GBP7: variants seen among roughly 807,000 people sequenced by gnomAD.
GBP7 encodes the protein guanylate-binding protein 7.
Under a neutral mutation model 61.3 loss-of-function variants are expected in GBP7, and 43 were observed. The ratio of observed to expected loss-of-function variants is 0.70; its 90% CI spans 0.55 to 0.91. The LOEUF is 0.91. Ranked by LOEUF, GBP7 falls within the 40% of genes least tolerant of loss-of-function variation. The pLI is 0.00. For synonymous variants in GBP7, 267 were observed against 271.0 expected (o/e 0.99, Z 0.14); for missense variants, 717 against 740.5 (o/e 0.97, Z 0.37).
chr1:89,132,126 A>G lies in GBP7; in HGVS notation c.*23T>C. The G allele has an allele frequency of 6.3e-7, 1 of 1,578,912 alleles. No homozygotes were observed. Among genetic ancestry groups the G allele is most frequent in the Non-Finnish European group, 8.6e-7 (1 of 1,162,346 alleles). ...TACTTTTAAAATGAGCAACAGCGTT[A>G]TACCATTTTAACAAAAGAAACCTCA... On this transcript the variant is annotated 3_prime_UTR_variant, in exon 11 of 11. Coordinates refer to ENST00000294671, the MANE Select transcript of GBP7 (RefSeq NM_207398.3).
intron 3 of GBP7, 90 bp from the exon 4 acceptor site, chr1:89,152,867 A>G: frequency 1.0e-6 from 1 of 965,036 alleles, no homozygotes. Flanking sequence ...ACCAAAACTG[A>G]AGTCATTCCA....
intron 2 of GBP7, among the ~76,000 whole-genome samples, chr1:89,168,921 A>T (rs1486779532): frequency 1.3e-5 from 2 of 151,972 alleles, no homozygotes; most frequent in Non-Finnish European, 2.9e-5. Context: ...GTGAGCTGAG[A>T]TCTCGCCATT....
chr1:89,150,674 T>A, intron 5 of GBP7, 99 bp from the exon 6 acceptor site: 1 of 1,216,938 alleles, frequency 8.2e-7, no homozygotes, highest in Non-Finnish European at 1.2e-6. Flanking sequence ...CTACAGTCTC[T>A]TGTGTCTGTG....
chr1:89,164,018 C>T (rs1032307023), intron 3 of GBP7, among the ~76,000 whole-genome samples: 3 of 151,802 alleles, frequency 2.0e-5, no homozygotes, highest in African/African-American at 4.8e-5. Flanking sequence ...TACAGGTGCC[C>T]GCCTCTGCGC....
rs371646125 is a variant in GBP7 at position 89,136,306 on chromosome 1, G to A, written c.1469-2855C>T. On this transcript the variant is annotated intron_variant, in intron 9 of 10. Coordinates refer to ENST00000294671, the MANE Select transcript of GBP7 (RefSeq NM_207398.3). ...CAGGACCTAACTTGACATTTGACCAGATGGACCTAACAGACATCTACAGAA... is the reference window on the plus strand; with the variant it reads ...CAGGACCTAACTTGACATTTGACCAAATGGACCTAACAGACATCTACAGAA... Among the ~76,000 whole-genome samples the A allele has an allele frequency of 3.7e-4, 56 of 152,056 alleles. 6 individuals carry two copies. The highest frequency in any genetic ancestry group is 9.2e-4 in the Admixed American group (14 of 15,278).
chr1:89,155,994 C>A (rs1682308412), intron 3 of GBP7, among the ~76,000 whole-genome samples: 1 of 152,214 alleles, frequency 6.6e-6, no homozygotes, highest in African/African-American at 2.4e-5. Flanking sequence ...GCCCATCAGA[C>A]TAATAGCAGA....
At chr1:89,156,705 A>G (rs1230606949) in intron 3 of GBP7, among the ~76,000 whole-genome samples, 4 of 152,242 alleles carry the variant, frequency 2.6e-5, no homozygotes, top group Non-Finnish European at 5.9e-5. Flanking sequence ...AGATTCATAA[A>G]GCAAGTCCTT....
chr1:89,141,649 C>G lies in GBP7; in HGVS notation c.1366-1G>C, dbSNP rs374287369. 5 of 1,612,776 alleles carry G rather than the reference C, an allele frequency of 3.1e-6. No individual in the cohort carries two copies. The African/African-American group carries it at 6.7e-5, about 22-fold the overall frequency. ...GGAAGCTCTGGAGGACCTCGTCTGC[C>G]TGAAGAACCAAGAAGGAGCAAAGAC... On this transcript the variant is annotated splice_acceptor_variant, in intron 8 of 10. Coordinates refer to ENST00000294671, the MANE Select transcript of GBP7 (RefSeq NM_207398.3). LOFTEE classifies it high-confidence loss of function.
Position 89,149,514 on chromosome 1 carries a change from A to G in GBP7, c.930T>C (p.Cys310=). ...LDAINSGATP[C]LENAMAVLAQ... Reference sequence around the variant, plus strand: ...CCAGAACTGCCATTGCATTCTCCAGACAAGGAGTCGCTCCACTGTTGATGG... The same window carrying G: ...CCAGAACTGCCATTGCATTCTCCAGGCAAGGAGTCGCTCCACTGTTGATGG... Residue 310 remains cysteine (C), a synonymous_variant, in exon 7 of 11, where the codon TGT becomes TGC. Coordinates refer to ENST00000294671, the MANE Select transcript of GBP7 (RefSeq NM_207398.3). The G allele has an allele frequency of 6.2e-7, 1 of 1,614,214 alleles. No individual in the cohort carries two copies. The highest frequency in any genetic ancestry group is 8.5e-7 in the Non-Finnish European group (1 of 1,180,022).
At chr1:89,133,158 T>TGAAA in intron 10 of GBP7, 100 bp downstream of exon 10, 1 of 806,910 alleles carries the variant, frequency 1.2e-6, no homozygotes, top group South Asian at 1.7e-5. Flanking sequence ...ATCTTTTGTG[T>TGAAA]TTCCTTCTGA....
intron 2 of GBP7, among the ~76,000 whole-genome samples, chr1:89,166,323 C>G (rs1035758820): frequency 1.3e-5 from 2 of 152,084 alleles, no homozygotes; most frequent in Non-Finnish European, 2.9e-5. Flanking sequence ...ATGGGAAGGA[C>G]AGTATAAAGC....
rs1682145809 is a variant in GBP7 at position 89,149,588 on chromosome 1, A to G, written c.872-16T>C. The G allele has an allele frequency of 1.9e-6, 3 of 1,592,744 alleles. No homozygotes were observed. The highest frequency in any genetic ancestry group is 8.6e-7 in the Non-Finnish European group (1 of 1,165,202). On this transcript the variant is annotated splice_polypyrimidine_tract_variant and intron_variant, in intron 6 of 10. Coordinates refer to ENST00000294671, the MANE Select transcript of GBP7 (RefSeq NM_207398.3). The stretch of plus-strand genomic sequence containing the variant: ...ATCCCCAGCCCTGAATGATTTAGGA[A>G]ATTTAGGGAATAGATAGAAAGTTTT...
At chr1:89,149,770 C>T (rs1027704217) in intron 6 of GBP7, among the ~76,000 whole-genome samples, 198 bp from the exon 7 acceptor site, 2 of 151,444 alleles carry the variant, frequency 1.3e-5, no homozygotes, top group Non-Finnish European at 2.9e-5. Flanking sequence ...ACTGTTGTTC[C>T]TATTTATTCT....
chr1:89,159,866 C>A (rs1312923515), intron 3 of GBP7, among the ~76,000 whole-genome samples: 1 of 152,164 alleles, frequency 6.6e-6, no homozygotes, highest in Non-Finnish European at 1.5e-5. Flanking sequence ...ACTGGGTATA[C>A]ACCCAAAGGA....
Position 89,152,714 on chromosome 1 carries a change from A to G in GBP7, c.382T>C (p.Tyr128His), listed in dbSNP as rs143669135. ...LAVLLSSSFVYNSMGTINHQA... is the reference protein window; with the variant it reads ...LAVLLSSSFVHNSMGTINHQA... ...TGGTTGATGGTGCCCATGCTGTTGTAGACAAAGCTGCTGCTTAGAAGCACA... is the reference window on the plus strand; with the variant it reads ...TGGTTGATGGTGCCCATGCTGTTGTGGACAAAGCTGCTGCTTAGAAGCACA... Residue 128 changes from tyrosine (Y) to histidine (H), a missense_variant, in exon 4 of 11, where the codon TAC becomes CAC. Tyr to His is a moderately conservative substitution (Grantham distance 83). Coordinates refer to ENST00000294671, the MANE Select transcript of GBP7 (RefSeq NM_207398.3). The G allele has an allele frequency of 7.4e-6, 12 of 1,612,932 alleles. No individual in the cohort carries two copies. The highest frequency in any genetic ancestry group is 8.5e-6 in the Non-Finnish European group (10 of 1,179,912).
At chr1:89,169,781 G>A (rs116153547) in intron 2 of GBP7, among the ~76,000 whole-genome samples, 1,563 of 152,280 alleles carry the variant, frequency 0.01, 29 homozygotes, top group African/African-American at 0.035. Flanking sequence ...GTGTAAACCA[G>A]TATGAGAAGT....
intron 9 of GBP7, among the ~76,000 whole-genome samples, chr1:89,140,253 A>G (rs1244202341): frequency 7.3e-6 from 1 of 137,804 alleles, no homozygotes; most frequent in African/African-American, 2.7e-5. Context: ...GAACACATGG[A>G]CACAGGAACA....
rs772183593 is a variant in GBP7 at position 89,171,789 on chromosome 1, T to G, written c.147A>C (p.Thr49=). 5 of 1,613,558 alleles carry G rather than the reference T, an allele frequency of 3.1e-6. No homozygotes were observed. In the Admixed American group the frequency reaches 8.3e-5, roughly 27 times the overall value. Residue 49 remains threonine (T), a synonymous_variant, in exon 2 of 11, where the codon ACA becomes ACC. Coordinates refer to ENST00000294671, the MANE Select transcript of GBP7 (RefSeq NM_207398.3). ...VVVAIVGLYR[T]GKSYLMNKLA... ...GCTTGTTCATTAGGTAGGATTTGCC[T>G]GTGCGGTAGAGGCCCACAATTGCCA... is the stretch of plus-strand genomic sequence containing the variant.
intron 8 of GBP7, among the ~76,000 whole-genome samples, chr1:89,147,329 A>G (rs183234138): frequency 6.6e-5 from 10 of 152,342 alleles, no homozygotes; most frequent in African/African-American, 2.2e-4. Context: ...TTGATAAATA[A>G]AAGAAATGGT....
Sources: gnomAD v4.1 joint callset for allele counts (sites outside exome capture counted in the v4.1 genomes callset) on GRCh38, gnomAD v4.1.1 for gene constraint, MANE v1.5 for transcripts, NCBI Gene and HGNC (gene_info 2026-07-23, HGNC 2026-07-21) for gene names.